The following CPO variants were observed in gnomAD, a reference collection of about 807,000 sequenced individuals.
The protein encoded by CPO is metallocarboxypeptidase C.
A neutral mutation model predicts 41.2 loss-of-function variants in CPO; 43 were observed. The observed-to-expected ratio is 1.04, with a 90% CI of 0.82 to 1.35. The LOEUF is 1.35. CPO is among the 40% of genes most tolerant of loss of function. The pLI, the probability that CPO is intolerant of heterozygous loss-of-function variation, is 0.00. For synonymous variants in CPO, 178 were observed against 162.7 expected, an observed-to-expected ratio of 1.09 and a Z score of -0.72; for missense variants, 408 against 451.7, an observed-to-expected ratio of 0.90 and a Z score of 0.88.
At position 206,959,617 on chromosome 2, in the gene CPO, T is replaced by A; in HGVS notation, c.373-14T>A. 1.8e-6 allele frequency: 2 copies of A among 1,086,606 alleles called. No individual in the cohort carries two copies. Among genetic ancestry groups the A allele is most frequent in the Non-Finnish European group, 2.8e-6 (2 of 709,554 alleles). The allele number at this position is 1,086,606 out of a possible 1,614,324, so 67.3% of individuals were successfully genotyped here. ...CTCAAAATAATTCTGAACATTTCTT[T>A]CTTAAATTTCCAGATTCTACAAAAC... On this transcript the variant is annotated splice_polypyrimidine_tract_variant and intron_variant, in intron 4 of 8. Coordinates refer to ENST00000272852, the MANE Select transcript of CPO (RefSeq NM_173077.3).
At chr2:206,940,727 A>T (rs1574343288) in intron 1 of CPO, among the ~76,000 whole-genome samples, 1 of 151,982 alleles carries the variant, frequency 6.6e-6, no homozygotes, top group East Asian at 1.9e-4. Context: ...CATGAAGTAT[A>T]TGTGGTTATA....
chr2:206,950,681 T>C (rs1043480154), intron 2 of CPO, among the ~76,000 whole-genome samples: 4 of 152,216 alleles, frequency 2.6e-5, no homozygotes, highest in African/African-American at 9.6e-5. Flanking sequence ...CAACCAAATG[T>C]CCATCAATGA....
In CPO at chr2:206,939,572, A is replaced by G. The variant is rs774201445; in HGVS notation, c.-28A>G. 1 of 1,603,414 alleles carries G rather than the reference A, an allele frequency of 6.2e-7. No individual in the cohort carries two copies. Among genetic ancestry groups the G allele is most frequent in the Non-Finnish European group, 8.5e-7 (1 of 1,171,260 alleles). On this transcript the variant is annotated 5_prime_UTR_variant, in exon 1 of 9. Coordinates refer to ENST00000272852, the MANE Select transcript of CPO (RefSeq NM_173077.3). ...ACTTGATCCACTGCCAGAGAGGCCC[A>G]GAATTTTCTAACTTACTGTGTGGCA... is the stretch of plus-strand genomic sequence containing the variant.
chr2:206,959,392 G>T (rs1010990328), intron 4 of CPO, among the ~76,000 whole-genome samples: 5 of 152,158 alleles, frequency 3.3e-5, no homozygotes, highest in African/African-American at 9.7e-5. Flanking sequence ...ATGGCAGGAG[G>T]TGAATGGGGT....
At chr2:206,963,341 C>T (rs528286136) in intron 7 of CPO, among the ~76,000 whole-genome samples, 1 of 151,820 alleles carries the variant, frequency 6.6e-6, no homozygotes, top group East Asian at 1.9e-4. Flanking sequence ...TATTTTTTTT[C>T]CGTTTTAATT....
In CPO at chr2:206,948,261, CT is replaced by C. The variant is rs915575755; in HGVS notation, c.69-1354del. Among the ~76,000 whole-genome samples, 23 of 152,238 alleles carry C rather than the reference CT, an allele frequency of 1.5e-4. 1 individual carries two copies. Among genetic ancestry groups the C allele is most frequent in the African/African-American group, 5.5e-4 (23 of 41,548 alleles). ...TACACAGTGCTAATAAAGAAATTAG[CT>C]TATTAAGCCATGACAAGACATGGAG... On this transcript the variant is annotated intron_variant, in intron 1 of 8. Transcript: ENST00000272852.
At chr2:206,957,858 G>A (rs924943498) in intron 3 of CPO, among the ~76,000 whole-genome samples, 1 of 152,204 alleles carries the variant, frequency 6.6e-6, no homozygotes, top group African/African-American at 2.4e-5. Context: ...AGAATTTTGA[G>A]TGGAGATTGG....
intron 6 of CPO, among the ~76,000 whole-genome samples, chr2:206,961,997 G>A (rs4574099): frequency 0.21 from 32,444 of 151,172 alleles, 4,003 homozygotes; most frequent in Non-Finnish European, 0.29. Flanking sequence ...CTACTGGGGA[G>A]GCTGAGGCAG....
At chr2:206,950,504 G>A (rs969530096) in intron 2 of CPO, among the ~76,000 whole-genome samples, 1 of 152,208 alleles carries the variant, frequency 6.6e-6, no homozygotes, top group African/African-American at 2.4e-5. Context: ...TTCAACCATT[G>A]TGGAAGACAG....
At chr2:206,950,789 G>A (rs550610789) in intron 2 of CPO, among the ~76,000 whole-genome samples, 1 of 152,234 alleles carries the variant, frequency 6.6e-6, no homozygotes, top group Non-Finnish European at 1.5e-5. Context: ...CATGGATGAA[G>A]CTGGAAACCA....
chr2:206,952,516 C>A (rs1693284534), intron 2 of CPO, among the ~76,000 whole-genome samples: 1 of 152,160 alleles, frequency 6.6e-6, no homozygotes, highest in Non-Finnish European at 1.5e-5. Flanking sequence ...CTGAATATGT[C>A]TTATGTTTGT....
At chr2:206,968,162 G>A (rs543787827) in intron 7 of CPO, 101 bp from the exon 8 acceptor site, 8 of 792,784 alleles carry the variant, frequency 1.0e-5, no homozygotes, top group Non-Finnish European at 1.5e-5. Context: ...TGGAAAGGTG[G>A]CCTAAAACTC....
intron 1 of CPO, among the ~76,000 whole-genome samples, chr2:206,946,567 T>A (rs1007065317): frequency 1.3e-5 from 2 of 152,150 alleles, no homozygotes; most frequent in African/African-American, 4.8e-5. Flanking sequence ...GGATGTTCCC[T>A]CTCAGCACTC....
chr2:206,959,420 A>G (rs888095696), intron 4 of CPO, among the ~76,000 whole-genome samples: 1 of 152,210 alleles, frequency 6.6e-6, no homozygotes, highest in Non-Finnish European at 1.5e-5. Context: ...AGTGGATGCC[A>G]GCAATCTGTG....
At chr2:206,964,941 T>A in intron 7 of CPO, among the ~76,000 whole-genome samples, 1 of 152,186 alleles carries the variant, frequency 6.6e-6, no homozygotes, top group East Asian at 1.9e-4. Context: ...CTGTGACCAT[T>A]TTGCAAAGTT....
chr2:206,946,369 A>T (rs1009212585), intron 1 of CPO, among the ~76,000 whole-genome samples: 1 of 152,184 alleles, frequency 6.6e-6, no homozygotes, highest in Non-Finnish European at 1.5e-5. Flanking sequence ...CACAGGCTGA[A>T]GAAGAAACAT....
In CPO at chr2:206,969,301, T is replaced by G. The variant is rs1693641561; in HGVS notation, c.990T>G (p.Cys330Trp). 6.2e-7 allele frequency: 1 copy of G among 1,614,096 alleles called. No individual in the cohort carries two copies. Among genetic ancestry groups the G allele is most frequent in the African/African-American group, 1.3e-5 (1 of 75,044 alleles). The change falls in exon 9 of 9, where the codon TGT (cysteine) becomes TGG (tryptophan). Residue 330 changes from cysteine to tryptophan, a missense_variant. Transcript: ENST00000272852. The stretch of plus-strand genomic sequence containing the variant: ...CAGAAGCTCAGATCCAGCCCACCTG[T>G]GAGGAGACCATGGAGGCTGTGCTGT... ...VLPEAQIQPT[C>W]EETMEAVLSV...
chr2:206,943,741 GATA>G (rs1693084638), intron 1 of CPO, among the ~76,000 whole-genome samples: 1 of 121,820 alleles, frequency 8.2e-6, no homozygotes, highest in East Asian at 2.5e-4. Flanking sequence ...TAGATAGATA[GATA>G]GATAGATAGA....
intron 7 of CPO, among the ~76,000 whole-genome samples, chr2:206,964,226 C>A (rs369174121): frequency 1.3e-5 from 2 of 152,184 alleles, no homozygotes; most frequent in East Asian, 1.9e-4. Context: ...AGCCCTTCTC[C>A]CAACAGTCAA....
Sources: allele counts gnomAD v4.1 joint callset (sites outside exome capture counted in the v4.1 genomes callset), GRCh38; gene constraint gnomAD v4.1.1; transcripts MANE v1.5; gene names NCBI Gene and HGNC (gene_info 2026-07-23, HGNC 2026-07-21).